Variants in GPD2 observed in about 807,000 individuals in gnomAD.
GPD2 encodes glycerol-3-phosphate dehydrogenase 2, also known as glycerol-3-phosphate dehydrogenase, mitochondrial.
GPD2 carries 54 observed loss-of-function variants against 82.4 expected under a neutral mutation model. That is an observed-to-expected ratio of 0.66 (90% CI 0.53 to 0.82). The LOEUF (loss-of-function observed/expected upper bound fraction) is 0.82. GPD2 is among the 40% of genes least tolerant of loss of function. The pLI is 0.00. For synonymous variants in GPD2, 288 were observed against 306.1 expected, an observed-to-expected ratio of 0.94 and a Z score of 0.62; for missense variants, 748 against 896.2, an observed-to-expected ratio of 0.83 and a Z score of 2.11.
intron 8 of GPD2, among the ~76,000 whole-genome samples, chr2:156,556,390 A>G (rs1361473386): frequency 6.6e-6 from 1 of 152,226 alleles, no homozygotes; most frequent in Non-Finnish European, 1.5e-5. Context: ...AGGACACTTT[A>G]AGATTCCTCT....
chr2:156,437,947 ACT>A (rs1430662053), intron 1 of GPD2, among the ~76,000 whole-genome samples: 4 of 152,244 alleles, frequency 2.6e-5, no homozygotes, highest in African/African-American at 7.2e-5. Context: ...AACTATTATA[ACT>A]CTGAACTTAT....
chr2:156,508,358 T>C (rs1000779279), intron 3 of GPD2, among the ~76,000 whole-genome samples: 1 of 152,040 alleles, frequency 6.6e-6, no homozygotes, highest in Non-Finnish European at 1.5e-5. Context: ...TCCCAGTCTT[T>C]AATGACCTAA....
intron 6 of GPD2, among the ~76,000 whole-genome samples, chr2:156,524,946 G>A (rs1685549513): frequency 6.6e-6 from 1 of 151,954 alleles, no homozygotes; most frequent in Non-Finnish European, 1.5e-5. Context: ...AGAGGTTAAG[G>A]GGTTATAAAA....
At position 156,509,809 on chromosome 2, in the gene GPD2, T is replaced by G. The variant is rs1684925639; in HGVS notation, c.275-987T>G. Among the ~76,000 whole-genome samples, 3 of 142,704 alleles carry G rather than the reference T, an allele frequency of 2.1e-5. No homozygotes were observed. The Admixed American group carries it at 2.3e-4, about 11-fold the overall frequency. 93.6% of individuals were successfully genotyped at this position (142,704 alleles called of 152,430 possible). A position where few individuals can be genotyped will look rare whatever the true frequency, so the allele number is the denominator to read the frequency against. On this transcript the variant is annotated intron_variant, in intron 3 of 16. Coordinates refer to ENST00000438166, the MANE Select transcript of GPD2 (RefSeq NM_000408.5). ...TATTTCCTGAGATGGAGTCTCACCC[T>G]GTCACCCAGGCTGGAGTGCAGTGGC... is the stretch of plus-strand genomic sequence containing the variant.
At chr2:156,560,217 T>C (rs1687117472) in intron 9 of GPD2, among the ~76,000 whole-genome samples, 1 of 152,028 alleles carries the variant, frequency 6.6e-6, no homozygotes, top group Admixed American at 6.6e-5. Flanking sequence ...TGGGGATCTC[T>C]ACCCGTGAAG....
chr2:156,575,595 A>G (rs891588228), intron 13 of GPD2, among the ~76,000 whole-genome samples: 7 of 151,480 alleles, frequency 4.6e-5, no homozygotes, highest in African/African-American at 1.7e-4. Flanking sequence ...TTGTGGAGAC[A>G]GGGTTTTGCC....
the GPD2 span, among the ~76,000 whole-genome samples, chr2:156,412,437 TAAA>T: frequency 7.0e-6 from 1 of 143,142 alleles, no homozygotes; most frequent in Non-Finnish European, 1.5e-5. Context: ...ACTTCGTCTG[TAAA>T]AAAAAAAAAA....
chr2:156,429,179 T>C, the GPD2 span, among the ~76,000 whole-genome samples: 1 of 152,254 alleles, frequency 6.6e-6, no homozygotes, highest in African/African-American at 2.4e-5. Context: ...TTCCAGGTTA[T>C]ATAAAATGTA....
chr2:156,496,924 G>A (rs545910927), intron 3 of GPD2, among the ~76,000 whole-genome samples: 2 of 151,302 alleles, frequency 1.3e-5, no homozygotes, highest in African/African-American at 4.8e-5. Context: ...ATAAATAATG[G>A]AAAATATCAC....
intron 3 of GPD2, among the ~76,000 whole-genome samples, chr2:156,503,135 T>C (rs1466867686): frequency 6.6e-6 from 1 of 152,208 alleles, no homozygotes; most frequent in Non-Finnish European, 1.5e-5. Flanking sequence ...TGTGTCTGTC[T>C]TTCTGCTTCC....
chr2:156,408,810 A>G, the GPD2 span, among the ~76,000 whole-genome samples: 1 of 151,638 alleles, frequency 6.6e-6, no homozygotes, highest in Non-Finnish European at 1.5e-5. Context: ...CAGGTAGGCT[A>G]TTGTGTTATG....
intron 1 of GPD2, among the ~76,000 whole-genome samples, chr2:156,472,055 T>C (rs1211871906): frequency 6.6e-6 from 1 of 152,244 alleles, no homozygotes; most frequent in Non-Finnish European, 1.5e-5. Flanking sequence ...ATAAATAAGC[T>C]AATTCTATTT....
chr2:156,491,292 G>A (rs964168747), intron 2 of GPD2, among the ~76,000 whole-genome samples: 5 of 152,166 alleles, frequency 3.3e-5, no homozygotes, highest in African/African-American at 7.2e-5. Flanking sequence ...AATGTTTAAG[G>A]CTTGCAGTCC....
chr2:156,456,578 G>A lies in GPD2; in HGVS notation c.-8-19520G>A, dbSNP rs190649349. ...ACCACTGCGCTCCAGCCTGGGCAAC[G>A]GAGTGCGACTCTGTCTCAAAAAAAA... On this transcript the variant is annotated intron_variant, in intron 1 of 16. Coordinates refer to ENST00000438166, the MANE Select transcript of GPD2 (RefSeq NM_000408.5). 2.9e-3 allele frequency among the ~76,000 whole-genome samples: 434 copies of A among 151,786 alleles called. 1 individual carries two copies. The highest frequency in any genetic ancestry group is 9.5e-3 in the African/African-American group (391 of 41,314).
chr2:156,557,545 G>C lies in GPD2; in HGVS notation c.1128G>C (p.Leu376Phe), dbSNP rs769545414. The C allele has an allele frequency of 3.8e-6, 6 of 1,598,322 alleles. No individual in the cohort carries two copies. Among genetic ancestry groups the C allele is most frequent in the Non-Finnish European group, 5.1e-6 (6 of 1,165,608 alleles). Reference sequence around the variant, plus strand: ...CAGAAGAAGATATCAACTTCATTTTGAATGAAGTGCGTAATTACCTGAGTT... The same window carrying C: ...CAGAAGAAGATATCAACTTCATTTTCAATGAAGTGCGTAATTACCTGAGTT... ...IPSEEDINFI[L>F]NEVRNYLSCD... The change falls in exon 9 of 17, where the codon TTG becomes TTC. Residue 376 changes from leucine to phenylalanine, a missense_variant. This residue lies in a region of GPD2 where 692 missense variants were observed against 809.7 expected (regional missense o/e 0.85). Coordinates refer to ENST00000438166, the MANE Select transcript of GPD2 (RefSeq NM_000408.5).
chr2:156,483,763 A>G (rs1683824286), intron 2 of GPD2, among the ~76,000 whole-genome samples: 1 of 152,188 alleles, frequency 6.6e-6, no homozygotes, highest in East Asian at 1.9e-4. Flanking sequence ...AATTACAAAC[A>G]TTCCACCTTA....
At chr2:156,487,296 G>A (rs776097818) in intron 2 of GPD2, among the ~76,000 whole-genome samples, 3 of 151,958 alleles carry the variant, frequency 2.0e-5, no homozygotes, top group Non-Finnish European at 2.9e-5. Context: ...TGGGCAACAT[G>A]GTGAGACTCT....
At chr2:156,470,519 T>G (rs564563390) in intron 1 of GPD2, among the ~76,000 whole-genome samples, 4 of 152,326 alleles carry the variant, frequency 2.6e-5, no homozygotes, top group African/African-American at 9.6e-5. Context: ...TTCTTACTTA[T>G]GCTAAATTTG....
intron 13 of GPD2, among the ~76,000 whole-genome samples, chr2:156,572,814 A>T (rs1048705943): frequency 6.6e-6 from 1 of 152,194 alleles, no homozygotes; most frequent in Admixed American, 6.6e-5. Flanking sequence ...AGTATATCTT[A>T]GTTCATTTGG....
Sources: allele counts gnomAD v4.1 joint callset (sites outside exome capture counted in the v4.1 genomes callset), GRCh38; gene constraint gnomAD v4.1.1; regional missense constraint gnomAD v4.1.1; transcripts MANE v1.5; gene names NCBI Gene and HGNC (gene_info 2026-07-23, HGNC 2026-07-21).